Variants in C13orf46 observed in about 807,000 individuals in gnomAD.
The protein encoded by C13orf46 is uncharacterized protein C13orf46.
chr13:113,953,142 G>C (rs1018929913), downstream of C13orf46, among the ~76,000 whole-genome samples: 73 of 152,328 alleles, frequency 4.8e-4, no homozygotes, highest in African/African-American at 1.7e-3. Context: ...CTGGCACAAG[G>C]CAGCCCCATT....
At chr13:113,960,347 T>C (rs2052577480) in intron 6 of C13orf46, among the ~76,000 whole-genome samples, 2 of 152,228 alleles carry the variant, frequency 1.3e-5, no homozygotes, top group African/African-American at 4.8e-5. Flanking sequence ...CTTAAAGTAC[T>C]GGTTTGCTCT....
chr13:113,950,867 G>A (rs1237998270), downstream of C13orf46, among the ~76,000 whole-genome samples: 5 of 152,236 alleles, frequency 3.3e-5, no homozygotes, highest in African/African-American at 1.2e-4. Flanking sequence ...CAGAACCAGA[G>A]CCAGAGAGAA....
At chr13:113,957,406 C>T (rs1391193148) in intron 6 of C13orf46, among the ~76,000 whole-genome samples, 3 of 142,160 alleles carry the variant, frequency 2.1e-5, no homozygotes, top group Middle Eastern at 4.4e-3. Flanking sequence ...ACTCTGCCTG[C>T]ACCCCCTTTC....
the C13orf46 span, among the ~76,000 whole-genome samples, chr13:113,932,278 ACT>A: frequency 1.3e-5 from 2 of 151,880 alleles, no homozygotes; most frequent in Non-Finnish European, 2.9e-5. Context: ...TCACATGGTG[ACT>A]CTGTGTAGCT....
chr13:113,950,873 G>A (rs1203653039), downstream of C13orf46, among the ~76,000 whole-genome samples: 3 of 152,240 alleles, frequency 2.0e-5, no homozygotes, highest in Admixed American at 1.3e-4. Flanking sequence ...CAGAGCCAGA[G>A]AGAAGACCCT....
chr13:113,943,905 C>T, the C13orf46 span, among the ~76,000 whole-genome samples: 99 of 152,316 alleles, frequency 6.5e-4, no homozygotes, highest in Middle Eastern at 3.4e-3. Context: ...CACATCTCCA[C>T]GAGCGCGCCT....
chr13:113,943,091 G>A, the C13orf46 span, among the ~76,000 whole-genome samples: 1 of 152,200 alleles, frequency 6.6e-6, no homozygotes, highest in African/African-American at 2.4e-5. Flanking sequence ...CCACAGGAGA[G>A]CTCGGGGAGA....
intron 2 of C13orf46, among the ~76,000 whole-genome samples, chr13:113,969,855 C>T (rs2052685619): frequency 6.6e-6 from 1 of 152,160 alleles, no homozygotes; most frequent in East Asian, 1.9e-4. Context: ...GCCTCCTTCC[C>T]CAGAGGGCCA....
At chr13:113,945,636 G>GAA in the C13orf46 span, among the ~76,000 whole-genome samples, 2 of 134,978 alleles carry the variant, frequency 1.5e-5, no homozygotes, top group African/African-American at 2.7e-5. Context: ...AAGAAAGAAA[G>GAA]AAAGAAAGAA....
At chr13:113,942,556 C>T in the C13orf46 span, among the ~76,000 whole-genome samples, 5 of 152,160 alleles carry the variant, frequency 3.3e-5, no homozygotes, top group African/African-American at 1.2e-4. Flanking sequence ...CTTACCTCCA[C>T]AGGATGCTTG....
At chr13:113,930,718 C>T in the C13orf46 span, among the ~76,000 whole-genome samples, 2 of 152,202 alleles carry the variant, frequency 1.3e-5, no homozygotes, top group Non-Finnish European at 2.9e-5. Context: ...AAGCTGAAGC[C>T]TTGGTTTCCC....
At chr13:113,930,991 C>A in the C13orf46 span, among the ~76,000 whole-genome samples, 1 of 152,186 alleles carries the variant, frequency 6.6e-6, no homozygotes, top group African/African-American at 2.4e-5. Context: ...GAGAGGGAGC[C>A]GGCTGGGGTG....
chr13:113,963,954 G>A (rs1264395950), intron 6 of C13orf46, among the ~76,000 whole-genome samples: 2 of 152,126 alleles, frequency 1.3e-5, no homozygotes, highest in African/African-American at 2.4e-5. Context: ...GGGTTCAAGC[G>A]ATTCTCCTGC....
chr13:113,942,229 T>C, the C13orf46 span, among the ~76,000 whole-genome samples: 2 of 152,320 alleles, frequency 1.3e-5, no homozygotes, highest in East Asian at 3.9e-4. Flanking sequence ...CTGTCGCCAC[T>C]GGCCGGGTCA....
At chr13:113,945,605 G>GAAGAAAGAAAGAAAGAAAGA in the C13orf46 span, among the ~76,000 whole-genome samples, 46 of 93,762 alleles carry the variant, frequency 4.9e-4, no homozygotes, top group East Asian at 1.1e-3. Context: ...AAGAAAGAAA[G>GAAGAAAGAAAGAAAGAAAGA]AAGAAAGAAA....
At chr13:113,942,158 G>C in the C13orf46 span, among the ~76,000 whole-genome samples, 2 of 152,288 alleles carry the variant, frequency 1.3e-5, no homozygotes, top group South Asian at 2.1e-4. Context: ...CCACTACTGT[G>C]GTCACTGACC....
At chr13:113,933,827 A>G in the C13orf46 span, among the ~76,000 whole-genome samples, 9,117 of 152,286 alleles carry the variant, frequency 0.06, 340 homozygotes, top group African/African-American at 0.097. Context: ...ACAATGCAGC[A>G]CTTTGCAGAG....
chr13:113,948,055 C>A, the C13orf46 span, among the ~76,000 whole-genome samples: 1 of 152,268 alleles, frequency 6.6e-6, no homozygotes, highest in African/African-American at 2.4e-5. Context: ...CGTCCTGCCA[C>A]AGGGACTCAG....
chr13:113,927,775 T>C, the C13orf46 span: 35 of 396,260 alleles, frequency 8.8e-5, no homozygotes, highest in East Asian at 1.2e-3. Context: ...AGACTCCCAC[T>C]CGGAGGATGA....
Sources: gnomAD v4.1 joint callset for allele counts (sites outside exome capture counted in the v4.1 genomes callset) on GRCh38, gnomAD v4.1.1 for gene constraint, MANE v1.5 for transcripts, NCBI Gene and HGNC (gene_info 2026-07-23, HGNC 2026-07-21) for gene names.